The following SLC6A2 variants were observed in gnomAD, a reference collection of about 807,000 sequenced individuals.
SLC6A2 encodes the protein solute carrier family 6 member 2.
SLC6A2 carries 26 observed loss-of-function variants against 71.7 expected under a neutral mutation model. That is an observed-to-expected ratio of 0.36 (90% confidence interval 0.27 to 0.50). The LOEUF (loss-of-function observed/expected upper bound fraction) is 0.50, where lower values mean the gene tolerates loss of function less well. Among genes scored for constraint, SLC6A2 ranks in the 20% least tolerant of loss-of-function variants. The pLI is 0.96. For missense variants in SLC6A2, 581 were observed against 803.9 expected, an observed-to-expected ratio of 0.72 and a Z score of 3.35; for synonymous variants, 363 against 337.9, an observed-to-expected ratio of 1.07 and a Z score of -0.82.
In SLC6A2 at chr16:55,703,115, C is replaced by G. The variant is rs1352680226; in HGVS notation, c.*769C>G. 1.8e-5 allele frequency: 18 copies of G among 985,508 alleles called. No homozygotes were observed. The highest frequency in any genetic ancestry group is 1.9e-5 in the Non-Finnish European group (16 of 830,106). 61.0% of individuals were successfully genotyped at this position (985,508 alleles called of 1,614,324 possible). On this transcript the variant is annotated 3_prime_UTR_variant, in exon 15 of 15. Transcript: ENST00000568943. ...CTAGGAGGTACCTGCATCAGACAAG[C>G]TGGTGGAGGCCACGTGGCAAGCCAC...
chr16:55,703,129 G>C lies in SLC6A2; in HGVS notation c.*783G>C. 1.0e-6 allele frequency: 1 copy of C among 985,622 alleles called. No individual in the cohort carries two copies. The highest frequency in any genetic ancestry group is 1.2e-6 in the Non-Finnish European group (1 of 830,094). 61.1% of individuals were successfully genotyped at this position (985,622 alleles called of 1,614,324 possible). Reference sequence around the variant, plus strand: ...CATCAGACAAGCTGGTGGAGGCCACGTGGCAAGCCACATCTACTGAGGCCT... The same window carrying C: ...CATCAGACAAGCTGGTGGAGGCCACCTGGCAAGCCACATCTACTGAGGCCT... On this transcript the variant is annotated 3_prime_UTR_variant, in exon 15 of 15. Coordinates refer to ENST00000568943, the MANE Select transcript of SLC6A2 (RefSeq NM_001172501.3).
In SLC6A2 at chr16:55,656,516, T is replaced by G; in HGVS notation, c.-51-128T>G. 2 of 758,834 alleles carry G rather than the reference T, an allele frequency of 2.6e-6. No homozygotes were observed. The highest frequency in any genetic ancestry group is 4.4e-6 in the Non-Finnish European group (2 of 458,964). The allele number at this position is 758,834 out of a possible 1,614,324, so 47.0% of individuals were successfully genotyped here. On this transcript the variant is annotated intron_variant, in intron 1 of 14. Coordinates refer to ENST00000568943, the MANE Select transcript of SLC6A2 (RefSeq NM_001172501.3). The surrounding 1 kb of genome is among the most constrained non-coding windows in gnomAD (Gnocchi z 4.5). ...AATTTTTCCAGCGGACGCGCGCCCT[T>G]TTCTGGGAACCCTGCGTCCGCTCAG...
rs13306042 is a variant in SLC6A2 at position 55,691,863 on chromosome 16, C to T, written c.784-55C>T. The T allele has an allele frequency of 1.6e-5, 26 of 1,606,174 alleles. No individual in the cohort carries two copies. The East Asian group carries it at 3.6e-4, about 22-fold the overall frequency. ...GAAAGGGCTCTGTGCCCCACCAGCCCGCCACGGGATTGGGGCCAGAGCGAG... is the reference window on the plus strand; with the variant it reads ...GAAAGGGCTCTGTGCCCCACCAGCCTGCCACGGGATTGGGGCCAGAGCGAG... On this transcript the variant is annotated intron_variant, in intron 5 of 14. Coordinates refer to ENST00000568943, the MANE Select transcript of SLC6A2 (RefSeq NM_001172501.3).
chr16:55,683,557 G>T (rs1289877066), intron 4 of SLC6A2, among the ~76,000 whole-genome samples: 1 of 152,106 alleles, frequency 6.6e-6, no homozygotes, highest in Non-Finnish European at 1.5e-5. Context: ...AGGTTGCAGT[G>T]AGCCGTCATC....
At chr16:55,696,131 T>C (rs1182414099) in intron 8 of SLC6A2, 94 bp from the exon 9 acceptor site, 1 of 805,076 alleles carries the variant, frequency 1.2e-6, no homozygotes, top group Non-Finnish European at 2.2e-6. Flanking sequence ...CGCCCACACA[T>C]GACCGAACAA....
Position 55,656,407 on chromosome 16 carries a change from T to C in SLC6A2, c.-51-237T>C. 1.9e-6 allele frequency: 1 copy of C among 525,994 alleles called. No individual in the cohort carries two copies. The highest frequency in any genetic ancestry group is 3.4e-6 in the Non-Finnish European group (1 of 290,324). 32.6% of individuals were successfully genotyped at this position (525,994 alleles called of 1,614,324 possible). A position where few individuals can be genotyped will look rare whatever the true frequency, so the allele number is the denominator to read the frequency against. Reference sequence around the variant, plus strand: ...GCGAGAGTGGGTGAACGAGGAAAAGTGCTGCAGGGTCTTCAGCCGCCCCCA... The same window carrying C: ...GCGAGAGTGGGTGAACGAGGAAAAGCGCTGCAGGGTCTTCAGCCGCCCCCA... On this transcript the variant is annotated intron_variant, in intron 1 of 14. Coordinates refer to ENST00000568943, the MANE Select transcript of SLC6A2 (RefSeq NM_001172501.3). This position sits in a 1 kb window ranked among gnomAD's most constrained non-coding sequence, Gnocchi z 4.5.
chr16:55,673,103 A>G (rs548323114), intron 4 of SLC6A2, among the ~76,000 whole-genome samples: 2 of 152,252 alleles, frequency 1.3e-5, no homozygotes, highest in South Asian at 2.1e-4. Flanking sequence ...ATCTTCTCCA[A>G]TCTTTGCTCT....
rs922006405 is a variant in SLC6A2, at chr16:55,705,451, G to T, written c.*3105G>T. ...CTCACTTTATTTGTTTATTTCCTTC[G>T]AAAGCCACCGAAGAGAGAAAAACAG... On this transcript the variant is annotated 3_prime_UTR_variant, in exon 15 of 15. Transcript: ENST00000568943. 3 of 558,844 alleles carry T rather than the reference G, an allele frequency of 5.4e-6. No homozygotes were observed. The highest frequency in any genetic ancestry group is 1.9e-5 in the African/African-American group (1 of 53,340). The allele number at this position is 558,844 out of a possible 1,614,324, so 34.6% of individuals were successfully genotyped here. A position where few individuals can be genotyped will look rare whatever the true frequency, so the allele number is the denominator to read the frequency against.
intron 9 of SLC6A2, among the ~76,000 whole-genome samples, chr16:55,696,998 C>T (rs962995856): frequency 1.3e-5 from 2 of 152,148 alleles, no homozygotes; most frequent in Non-Finnish European, 1.5e-5. Context: ...CACCTCAAAA[C>T]CCAAACGAAC....
At position 55,703,743 on chromosome 16, in the gene SLC6A2, C is replaced by T. The variant is rs1274112969; in HGVS notation, c.*1397C>T. 2.2e-5 allele frequency: 22 copies of T among 985,156 alleles called. No individual in the cohort carries two copies. Among genetic ancestry groups the T allele is most frequent in the Non-Finnish European group, 2.3e-5 (19 of 829,906 alleles). The allele number at this position is 985,156 out of a possible 1,614,324, so 61.0% of individuals were successfully genotyped here. On this transcript the variant is annotated 3_prime_UTR_variant, in exon 15 of 15. Coordinates refer to ENST00000568943, the MANE Select transcript of SLC6A2 (RefSeq NM_001172501.3). The stretch of plus-strand genomic sequence containing the variant: ...ATTCTGACTGTGGGAGCTCCTGTTG[C>T]GGGATCTTGGGAAAAAATAAAGAAG...
intron 2 of SLC6A2, among the ~76,000 whole-genome samples, chr16:55,662,613 GA>G (rs1268214106): frequency 4.6e-5 from 7 of 152,196 alleles, no homozygotes; most frequent in African/African-American, 1.7e-4. Flanking sequence ...GGAGGAAATG[GA>G]AACCAGAATC....
intron 4 of SLC6A2, among the ~76,000 whole-genome samples, chr16:55,676,831 A>G (rs1965103852): frequency 6.6e-6 from 1 of 152,220 alleles, no homozygotes; most frequent in Non-Finnish European, 1.5e-5. Context: ...CATAGAGTTT[A>G]TAAGTGGCAT....
In SLC6A2 at chr16:55,677,593, G is replaced by A. The variant is rs957905637; in HGVS notation, c.644+5418G>A. ...TCCTCCAGGCTCAGCTATAAGGAGA[G>A]TGGTGGGAAAAGATGGCATCTTCAG... On this transcript the variant is annotated intron_variant, in intron 4 of 14. Transcript: ENST00000568943. Among the ~76,000 whole-genome samples, 4 of 152,184 alleles carry A rather than the reference G, an allele frequency of 2.6e-5. 1 individual carries two copies. The highest frequency in any genetic ancestry group is 9.6e-5 in the African/African-American group (4 of 41,454).
At chr16:55,692,183 G>T (rs1310515147) in intron 6 of SLC6A2, 131 bp downstream of exon 6, 12 of 1,082,048 alleles carry the variant, frequency 1.1e-5, no homozygotes, top group Non-Finnish European at 1.4e-5. Flanking sequence ...ATCCTTCCCT[G>T]TCTGAGGTGC....
intron 3 of SLC6A2, among the ~76,000 whole-genome samples, chr16:55,671,309 G>T (rs756588525): frequency 6.6e-6 from 1 of 152,120 alleles, no homozygotes; most frequent in South Asian, 2.1e-4. Context: ...GAGGGAGCTG[G>T]ATACTCACGA....
intron 5 of SLC6A2, among the ~76,000 whole-genome samples, chr16:55,688,099 A>G (rs1397293188): frequency 6.6e-6 from 1 of 152,192 alleles, no homozygotes; most frequent in African/African-American, 2.4e-5. Flanking sequence ...TAGAATGGGG[A>G]GCTTCACTTA....
chr16:55,684,259 C>T (rs1156830446), intron 4 of SLC6A2, among the ~76,000 whole-genome samples: 2 of 149,926 alleles, frequency 1.3e-5, no homozygotes, highest in South Asian at 2.1e-4. Context: ...CGTGATGGTG[C>T]CACTGCACTC....
At chr16:55,688,118 C>T (rs541923976) in intron 5 of SLC6A2, among the ~76,000 whole-genome samples, 5 of 152,352 alleles carry the variant, frequency 3.3e-5, no homozygotes, top group East Asian at 1.9e-4. Flanking sequence ...TAGGACATTA[C>T]TGTGCTCTGT....
chr16:55,696,141 A>T, intron 8 of SLC6A2, 84 bp from the exon 9 acceptor site: 1 of 851,172 alleles, frequency 1.2e-6, no homozygotes, highest in South Asian at 1.3e-5. Context: ...TGACCGAACA[A>T]TTGGGCCCCC....
Sources: allele counts gnomAD v4.1 joint callset (sites outside exome capture counted in the v4.1 genomes callset), GRCh38; gene constraint gnomAD v4.1.1; non-coding constraint Gnocchi (gnomAD v3.1); transcripts MANE v1.5; gene names NCBI Gene and HGNC (gene_info 2026-07-23, HGNC 2026-07-21).